Variants in RALYL observed in about 807,000 individuals in gnomAD.
RALYL encodes RALY RNA binding protein like, also known as RNA-binding Raly-like protein.
RALYL carries 29 observed loss-of-function variants against 35.1 expected under a neutral mutation model. The ratio of observed to expected loss-of-function variants is 0.83; its 90% CI spans 0.61 to 1.13. The LOEUF (loss-of-function observed/expected upper bound fraction) is 1.13, where lower values mean the gene tolerates loss of function less well. Among genes scored for constraint, RALYL ranks in the 50% most tolerant of loss-of-function variants. The probability of loss-of-function intolerance (pLI) is 0.00; values close to 1 mark genes in which losing one functional copy is unlikely to be tolerated. For missense variants in RALYL, 359 were observed against 360.4 expected, an observed-to-expected ratio of 1.00 and a Z score of 0.03; for synonymous variants, 120 against 127.6, an observed-to-expected ratio of 0.94 and a Z score of 0.40.
At chr8:84,409,301 A>G (rs2043868476) in intron 1 of RALYL, among the ~76,000 whole-genome samples, 1 of 152,034 alleles carries the variant, frequency 6.6e-6, no homozygotes, top group Non-Finnish European at 1.5e-5. Flanking sequence ...GTGCTCTAGG[A>G]TAAATATTAA....
chr8:84,796,241 C>T (rs755773420), intron 3 of RALYL, among the ~76,000 whole-genome samples: 2 of 152,166 alleles, frequency 1.3e-5, no homozygotes, highest in Non-Finnish European at 2.9e-5. Flanking sequence ...TTTTGCTCTC[C>T]ACAACAAAAC....
At chr8:84,802,591 A>ACCTT (rs552877643) in intron 3 of RALYL, among the ~76,000 whole-genome samples, 71 of 152,144 alleles carry the variant, frequency 4.7e-4, no homozygotes, top group Admixed American at 1.7e-3. Context: ...CTTGTCTGAA[A>ACCTT]CCTTCAAAAA....
intron 1 of RALYL, among the ~76,000 whole-genome samples, chr8:84,412,656 T>TA (rs1262190590): frequency 6.6e-6 from 1 of 152,046 alleles, no homozygotes; most frequent in Admixed American, 6.6e-5. Context: ...ATATTAATGA[T>TA]AAAACTAATC....
intron 1 of RALYL, among the ~76,000 whole-genome samples, chr8:84,401,801 G>T (rs2042943265): frequency 6.6e-6 from 1 of 151,792 alleles, no homozygotes; most frequent in Admixed American, 6.6e-5. Context: ...TGACTCTATA[G>T]CCTGACAGAC....
rs146071298 is a variant in RALYL at position 84,316,128 on chromosome 8, T to G, written c.-24+131704T>G. ...CTTAAAGCTCACGTTTCCATCAGGA[T>G]TTTACAAAGCCATCTTTACTCTGAT... On this transcript the variant is annotated intron_variant, in intron 1 of 8. Coordinates refer to ENST00000521268, the MANE Select transcript of RALYL (RefSeq NM_173848.7). 6.6e-5 allele frequency among the ~76,000 whole-genome samples: 10 copies of G among 152,236 alleles called. No individual in the cohort carries two copies. The East Asian group carries it at 1.7e-3, about 26-fold the overall frequency.
chr8:84,759,541 A>AT (rs1415412536), intron 2 of RALYL, among the ~76,000 whole-genome samples: 1 of 152,164 alleles, frequency 6.6e-6, no homozygotes, highest in Non-Finnish European at 1.5e-5. Context: ...GTAAGATAAA[A>AT]TTTTTACCTT....
At chr8:84,264,436 C>T (rs1832884184) in intron 1 of RALYL, among the ~76,000 whole-genome samples, 1 of 149,636 alleles carries the variant, frequency 6.7e-6, no homozygotes, top group Non-Finnish European at 1.5e-5. Flanking sequence ...TGTCCGTTGC[C>T]CACTTTTTAA....
At chr8:84,675,908 T>C (rs534199979) in intron 2 of RALYL, among the ~76,000 whole-genome samples, 76 of 152,296 alleles carry the variant, frequency 5.0e-4, no homozygotes, top group Admixed American at 3.4e-3. Flanking sequence ...GGGAAATATA[T>C]TATTGGTCAC....
intron 1 of RALYL, among the ~76,000 whole-genome samples, chr8:84,505,260 T>G (rs960757606): frequency 2.3e-4 from 35 of 152,306 alleles, no homozygotes; most frequent in African/African-American, 8.4e-4. Context: ...AGAAACATTT[T>G]CCTTATGTGA....
chr8:84,888,531 T>C (rs768874700), intron 8 of RALYL, among the ~76,000 whole-genome samples: 12 of 152,144 alleles, frequency 7.9e-5, no homozygotes, highest in Non-Finnish European at 1.0e-4. Flanking sequence ...TGTCGCCAAC[T>C]TCCAAATATC....
chr8:84,325,732 A>T (rs932269497), intron 1 of RALYL, among the ~76,000 whole-genome samples: 4 of 152,226 alleles, frequency 2.6e-5, no homozygotes, highest in African/African-American at 9.6e-5. Context: ...CTTAGCATTC[A>T]AAAGTATCAC....
At chr8:84,370,815 G>A (rs1003337155) in intron 1 of RALYL, among the ~76,000 whole-genome samples, 13 of 152,008 alleles carry the variant, frequency 8.6e-5, no homozygotes, top group African/African-American at 2.9e-4. Context: ...TGTGGAAGCA[G>A]GAGGTGAGGG....
intron 4 of RALYL, among the ~76,000 whole-genome samples, chr8:84,845,893 G>A (rs1834544005): frequency 6.6e-6 from 1 of 152,080 alleles, no homozygotes; most frequent in Non-Finnish European, 1.5e-5. Context: ...ATTGACTAGG[G>A]AGTCCTTTCC....
At chr8:84,650,422 G>T (rs1828501679) in intron 2 of RALYL, among the ~76,000 whole-genome samples, 1 of 152,080 alleles carries the variant, frequency 6.6e-6, no homozygotes, top group Admixed American at 6.6e-5. Flanking sequence ...GACGTGAAAA[G>T]ACACTTCTCA....
At chr8:84,187,402 GTTAA>G (rs1297476267) in intron 1 of RALYL, among the ~76,000 whole-genome samples, 1 of 151,972 alleles carries the variant, frequency 6.6e-6, no homozygotes. Context: ...AAGATTAACA[GTTAA>G]TTATTTTTCA....
At chr8:84,682,123 T>C (rs1209266090) in intron 2 of RALYL, among the ~76,000 whole-genome samples, 2 of 152,214 alleles carry the variant, frequency 1.3e-5, no homozygotes, top group African/African-American at 4.8e-5. Context: ...TTTGGTTCTG[T>C]TTATATGCTG....
intron 1 of RALYL, among the ~76,000 whole-genome samples, chr8:84,391,388 G>T (rs1485394956): frequency 6.6e-6 from 1 of 151,876 alleles, no homozygotes; most frequent in Non-Finnish European, 1.5e-5. Flanking sequence ...TACTTTTAAA[G>T]CACTCATTTA....
chr8:84,560,325 A>G (rs1401064834), intron 2 of RALYL, among the ~76,000 whole-genome samples: 2 of 152,020 alleles, frequency 1.3e-5, no homozygotes, highest in African/African-American at 2.4e-5. Flanking sequence ...GAAATTATCA[A>G]AAGAAGGTGA....
At chr8:84,523,673 A>G (rs1351140352) in intron 1 of RALYL, among the ~76,000 whole-genome samples, 1 of 46,706 alleles carries the variant, frequency 2.1e-5, no homozygotes, top group Non-Finnish European at 3.8e-5. Flanking sequence ...CCCTCCCCCC[A>G]CCCCACCACA....
Sources: allele counts gnomAD v4.1 joint callset (sites outside exome capture counted in the v4.1 genomes callset), GRCh38; gene constraint gnomAD v4.1.1; transcripts MANE v1.5; gene names NCBI Gene and HGNC (gene_info 2026-07-23, HGNC 2026-07-21).